The following TRIM21 variants were observed in gnomAD, a reference collection of about 807,000 sequenced individuals.
The protein encoded by TRIM21 is tripartite motif containing 21, also known as E3 ubiquitin-protein ligase TRIM21.
Under a neutral mutation model 36.1 loss-of-function variants are expected in TRIM21, and 35 were observed. That is an observed-to-expected ratio of 0.97 (90% CI 0.74 to 1.28). TRIM21 has a LOEUF of 1.28. Among genes scored for constraint, TRIM21 ranks in the 50% most tolerant of loss-of-function variants. The probability of loss-of-function intolerance (pLI) is 0.00; values close to 1 mark genes in which losing one functional copy is unlikely to be tolerated. For missense variants in TRIM21, 635 were observed against 570.7 expected (o/e 1.11, Z -1.15); for synonymous variants, 256 against 211.5 (o/e 1.21, Z -1.83).
Position 4,390,470 on chromosome 11 carries a change from G to T in TRIM21, c.-49-12C>A. ...TTTAGGGGGTTTGGCTGGGAGAGAA[G>T]AAGAAAGGGAAAAGAGAATATGAGA... On this transcript the variant is annotated splice_polypyrimidine_tract_variant and intron_variant, in intron 1 of 6. Transcript: ENST00000254436. 6.7e-7 allele frequency: 1 copy of T among 1,495,206 alleles called. No individual in the cohort carries two copies. Among genetic ancestry groups the T allele is most frequent in the South Asian group, 1.3e-5 (1 of 75,388 alleles). The allele number at this position is 1,495,206 out of a possible 1,614,324, so 92.6% of individuals were successfully genotyped here.
rs957643130 is a variant in TRIM21, at chr11:4,393,653, T to C, written c.-70A>G. 5.9e-5 allele frequency: 9 copies of C among 152,236 alleles called. No individual in the cohort carries two copies. The highest frequency in any genetic ancestry group is 2.2e-4 in the African/African-American group (9 of 41,418). 9.4% of individuals were successfully genotyped at this position (152,236 alleles called of 1,614,324 possible). A position where few individuals can be genotyped will look rare whatever the true frequency, so the allele number is the denominator to read the frequency against. On this transcript the variant is annotated 5_prime_UTR_variant, in exon 1 of 7. Transcript: ENST00000254436. The stretch of plus-strand genomic sequence containing the variant: ...CTCACCTTTACAGGGGACTCAACGC[T>C]GGTAGCCAGCTCCCTATTTCACTTT...
intron 6 of TRIM21, 76 bp downstream of exon 6, chr11:4,386,081 G>T: frequency 7.0e-7 from 1 of 1,422,380 alleles, no homozygotes; most frequent in Non-Finnish European, 9.9e-7. Context: ...TCTCCTCCAA[G>T]TTGCCATCCA....
chr11:4,389,600 C>G, intron 3 of TRIM21, 54 bp downstream of exon 3: 2 of 1,502,226 alleles, frequency 1.3e-6, no homozygotes, highest in Admixed American at 1.7e-5. Context: ...GTTGAGGACT[C>G]TGGACCCTGC....
At chr11:4,388,008 GA>G (rs2094958382) in intron 4 of TRIM21, among the ~76,000 whole-genome samples, 1 of 152,216 alleles carries the variant, frequency 6.6e-6, no homozygotes, top group South Asian at 2.1e-4. Flanking sequence ...TGTTAGAACA[GA>G]AGGGACTTGT....
At position 4,385,129 on chromosome 11, in the gene TRIM21, T is replaced by C. The variant is rs2094954527; in HGVS notation, c.*156A>G. ...CACAAAGCCATCTGGGGCAGGAATG[T>C]TGATGGTGAAGTGACTTCCCTGCTA... On this transcript the variant is annotated 3_prime_UTR_variant, in exon 7 of 7. Coordinates refer to ENST00000254436, the MANE Select transcript of TRIM21 (RefSeq NM_003141.4). The C allele has an allele frequency of 1.5e-6, 1 of 667,166 alleles. No individual in the cohort carries two copies. The allele number at this position is 667,166 out of a possible 1,614,324, so 41.3% of individuals were successfully genotyped here.
intron 1 of TRIM21, 28 bp from the exon 2 acceptor site, chr11:4,390,486 G>C: frequency 1.4e-6 from 2 of 1,439,452 alleles, no homozygotes; most frequent in Non-Finnish European, 1.9e-6. Context: ...AGGGAAAAGA[G>C]AATATGAGAA....
chr11:4,389,792 T>G (rs1455410491), intron 2 of TRIM21, 43 bp from the exon 3 acceptor site: 1 of 1,577,336 alleles, frequency 6.3e-7, no homozygotes, highest in South Asian at 1.1e-5. Context: ...GCAAACCAAG[T>G]AATAGGGTGG....
At chr11:4,386,333 G>GGTTATA in intron 5 of TRIM21, 76 bp from the exon 6 acceptor site, 2 of 1,205,666 alleles carry the variant, frequency 1.7e-6, no homozygotes, top group Non-Finnish European at 2.4e-6. Flanking sequence ...CCATTGTGGA[G>GGTTATA]GACTCCGATA....
chr11:4,389,750 C>T lies in TRIM21; in HGVS notation c.409-1G>A, dbSNP rs1378019386. ...CCCCTAATGCCACCTGGAGCTTCTC[C>T]TGCAGAGAAAGACAGCTTATTCGTC... On this transcript the variant is annotated splice_acceptor_variant, in intron 2 of 6. Transcript: ENST00000254436. LOFTEE classifies it high-confidence loss of function. 6.2e-7 allele frequency: 1 copy of T among 1,613,818 alleles called. No homozygotes were observed. Among genetic ancestry groups the T allele is most frequent in the Admixed American group, 1.7e-5 (1 of 60,034 alleles).
chr11:4,390,688 A>G (rs909540919), intron 1 of TRIM21, among the ~76,000 whole-genome samples: 2 of 152,188 alleles, frequency 1.3e-5, no homozygotes, highest in African/African-American at 4.8e-5. Flanking sequence ...TATACTGTAG[A>G]GCTAAAGTAA....
intron 3 of TRIM21, among the ~76,000 whole-genome samples, chr11:4,389,341 C>G (rs775568199): frequency 2.0e-5 from 3 of 152,194 alleles, no homozygotes; most frequent in Non-Finnish European, 4.4e-5. Context: ...CTCACACATC[C>G]AGGTGCTGAC....
intron 5 of TRIM21, chr11:4,386,461 C>G: frequency 1.6e-6 from 1 of 627,734 alleles, no homozygotes; most frequent in Non-Finnish European, 2.8e-6. Flanking sequence ...ATAGGAGGCT[C>G]TGCAGCATGT....
rs534350158 is a variant in TRIM21 at position 4,385,789 on chromosome 11, T to G, written c.924A>C (p.Gln308His). ...TCTGCTGGGTGTCTCCAAGCCTCAC[T>G]TGTCTCCGATCTTCTGAAAGTATCA... ...PWLILSEDRRQVRLGDTQQSI... is the reference protein window; with the variant it reads ...PWLILSEDRRHVRLGDTQQSI... Residue 308 changes from glutamine to histidine, a missense_variant, in exon 7 of 7, where the codon CAA (glutamine) becomes CAC (histidine). Transcript: ENST00000254436. 7 of 1,613,482 alleles carry G rather than the reference T, an allele frequency of 4.3e-6. No individual in the cohort carries two copies. The highest frequency in any genetic ancestry group is 5.9e-6 in the Non-Finnish European group (7 of 1,179,782).
In TRIM21 at chr11:4,386,226, T is replaced by C; in HGVS notation, c.790A>G (p.Ile264Val). The C allele has an allele frequency of 6.2e-7, 1 of 1,613,890 alleles. No individual in the cohort carries two copies. The highest frequency in any genetic ancestry group is 1.3e-5 in the African/African-American group (1 of 75,016). Reference sequence around the variant, plus strand: ...ACACTCCTGAGTTCTGGAGAGGTAATATCCAGGTCCTTCAGGTTCCAGGAC... The same window carrying C: ...ACACTCCTGAGTTCTGGAGAGGTAACATCCAGGTCCTTCAGGTTCCAGGAC... The part of the protein sequence containing the change: ...SESWNLKDLD[I>V]TSPELRSVCH... The change falls in exon 6 of 7, where the codon ATT becomes GTT. Residue 264 changes from isoleucine (I) to valine (V), a missense_variant. Ile to Val is a conservative substitution (Grantham distance 29). Transcript: ENST00000254436.
In TRIM21 at chr11:4,386,001, T is replaced by C. The variant is rs2094955888; in HGVS notation, c.860-148A>G. 11 of 1,100,446 alleles carry C rather than the reference T, an allele frequency of 1.0e-5. No individual in the cohort carries two copies. In the South Asian group the frequency reaches 1.1e-4, roughly 11 times the overall value. 68.2% of individuals were successfully genotyped at this position (1,100,446 alleles called of 1,614,324 possible). On this transcript the variant is annotated intron_variant, in intron 6 of 6. Coordinates refer to ENST00000254436, the MANE Select transcript of TRIM21 (RefSeq NM_003141.4). ...AAATGACCATCAGCCAGTTCTGGCCTTGGTCCTGACCTCTGAAGAAACCAT... is the reference window on the plus strand; with the variant it reads ...AAATGACCATCAGCCAGTTCTGGCCCTGGTCCTGACCTCTGAAGAAACCAT...
Position 4,390,389 on chromosome 11 carries a change from C to T in TRIM21, c.21G>A (p.Leu7=). ...ATGTGACCTCCTCCCACATCATTGT[C>T]AAGCGTGCTGCTGAAGCCATTGTCA... MASAAR[L]TMMWEEVTCP... Residue 7 remains leucine, a synonymous_variant, in exon 2 of 7, where the codon TTG becomes TTA. Transcript: ENST00000254436. The T allele has an allele frequency of 6.2e-7, 1 of 1,609,538 alleles. No individual in the cohort carries two copies. Among genetic ancestry groups the T allele is most frequent in the South Asian group, 1.1e-5 (1 of 90,938 alleles).
chr11:4,388,604 C>A, intron 3 of TRIM21, 74 bp from the exon 4 acceptor site: 2 of 1,436,056 alleles, frequency 1.4e-6, no homozygotes, highest in Non-Finnish European at 1.9e-6. Context: ...GGTATTGGTA[C>A]CTATTCCTAT....
intron 1 of TRIM21, among the ~76,000 whole-genome samples, chr11:4,390,848 C>T (rs998406128): frequency 6.6e-6 from 1 of 152,184 alleles, no homozygotes; most frequent in Non-Finnish European, 1.5e-5. Flanking sequence ...TCAATAAATG[C>T]TGCTGGGAAA....
chr11:4,388,601 G>C (rs140922063), intron 3 of TRIM21, 71 bp from the exon 4 acceptor site: 1 of 1,466,542 alleles, frequency 6.8e-7, no homozygotes, highest in Admixed American at 1.7e-5. Context: ...GGAGGTATTG[G>C]TACCTATTCC....
Sources: allele counts gnomAD v4.1 joint callset (sites outside exome capture counted in the v4.1 genomes callset), GRCh38; gene constraint gnomAD v4.1.1; transcripts MANE v1.5; gene names NCBI Gene and HGNC (gene_info 2026-07-23, HGNC 2026-07-21).